CNBD2: variants seen among roughly 807,000 people sequenced by gnomAD.
CNBD2 encodes cyclic nucleotide binding domain containing 2, also known as cyclic nucleotide-binding domain-containing protein 2.
A neutral mutation model predicts 63.7 loss-of-function variants in CNBD2; 64 were observed. The observed-to-expected ratio is 1.00, with a 90% CI of 0.82 to 1.24. The LOEUF is 1.24. Ranked by LOEUF, CNBD2 falls within the 50% of genes most tolerant of loss-of-function variation. The probability of loss-of-function intolerance (pLI) is 0.00; values close to 1 mark genes in which losing one functional copy is unlikely to be tolerated. For synonymous variants in CNBD2, 229 were observed against 255.4 expected, an observed-to-expected ratio of 0.90 and a Z score of 0.99; for missense variants, 691 against 713.5, an observed-to-expected ratio of 0.97 and a Z score of 0.36.
At chr20:35,961,227 G>T (rs1482784489) in intron 2 of CNBD2, among the ~76,000 whole-genome samples, 1 of 152,112 alleles carries the variant, frequency 6.6e-6, no homozygotes, top group Non-Finnish European at 1.5e-5. Flanking sequence ...CACCACGCCC[G>T]GCCTCTTGGC....
At chr20:35,967,239 C>CT (rs141881380), upstream of CNBD2, among the ~76,000 whole-genome samples, 965 of 86,994 alleles carry the variant, frequency 0.011, 141 homozygotes, top group East Asian at 0.054. Context: ...CCCCCTCCCG[C>CT]TTTTTTTTTT....
At position 36,017,379 on chromosome 20, in the gene CNBD2, C is replaced by T. The variant is rs533160968; in HGVS notation, c.1269+6122C>T. Among the ~76,000 whole-genome samples, 110 of 152,266 alleles carry T rather than the reference C, an allele frequency of 7.2e-4. 1 individual carries two copies. The South Asian group carries it at 0.022, about 30-fold the overall frequency. On this transcript the variant is annotated intron_variant, in intron 10 of 11. Coordinates refer to ENST00000373973, the MANE Select transcript of CNBD2 (RefSeq NM_001365709.1). ...TCCAAGGTTGTCCTTATGCCATTCTCCCCCTGTGTTATGGTGGACTGTGCA... is the reference window on the plus strand; with the variant it reads ...TCCAAGGTTGTCCTTATGCCATTCTTCCCCTGTGTTATGGTGGACTGTGCA...
intron 10 of CNBD2, among the ~76,000 whole-genome samples, chr20:36,015,530 T>C (rs2057121671): frequency 1.3e-5 from 2 of 152,118 alleles, no homozygotes; most frequent in African/African-American, 4.8e-5. Context: ...TGGTTGAATC[T>C]AGGACTAGGG....
At position 35,960,783 on chromosome 20, in the gene CNBD2, A is replaced by G. The variant is rs13045686; in HGVS notation, c.228+3009A>G. On this transcript the variant is annotated intron_variant, in intron 2 of 4. Transcript: ENST00000622112. ...CTTCCCTTCTCTTCCCTTCTCTTCC[A>G]TTCTCTTCCCTTCTCTTCCCTTCTC... Among the ~76,000 whole-genome samples the G allele has an allele frequency of 5.4e-3, 152 of 28,010 alleles. 10 individuals carry two copies. The highest frequency in any genetic ancestry group is 0.023 in the African/African-American group (141 of 6,214). 18.4% of individuals were successfully genotyped at this position (28,010 alleles called of 152,430 possible).
At chr20:36,002,313 G>C (rs1186164633) in intron 8 of CNBD2, among the ~76,000 whole-genome samples, 1 of 152,250 alleles carries the variant, frequency 6.6e-6, no homozygotes, top group Non-Finnish European at 1.5e-5. Context: ...AGGAGAATCA[G>C]GCAGGGAGGT....
At chr20:35,957,929 A>G (rs1471499049), downstream of CNBD2, among the ~76,000 whole-genome samples, 1 of 152,160 alleles carries the variant, frequency 6.6e-6, no homozygotes, top group Non-Finnish European at 1.5e-5. Context: ...CCTGACTCCT[A>G]GGTAGCTTCA....
chr20:35,979,030 A>G (rs1460881000), intron 3 of CNBD2, among the ~76,000 whole-genome samples: 3 of 152,186 alleles, frequency 2.0e-5, no homozygotes, highest in Non-Finnish European at 4.4e-5. Context: ...TTAATGGCTA[A>G]TTTTGGGTAG....
In CNBD2 at chr20:35,984,771, T is replaced by G; in HGVS notation, c.709T>G (p.Phe237Val). 1 of 1,614,066 alleles carries G rather than the reference T, an allele frequency of 6.2e-7. No homozygotes were observed. Among genetic ancestry groups the G allele is most frequent in the Non-Finnish European group, 8.5e-7 (1 of 1,179,970 alleles). Residue 237 changes from phenylalanine to valine, a missense_variant, in exon 6 of 12, where the codon TTT (phenylalanine) becomes GTT (valine). By Grantham distance (50) the Phe-to-Val change is conservative. Coordinates refer to ENST00000373973, the MANE Select transcript of CNBD2 (RefSeq NM_001365709.1). ...VQKDAQYRFE[F>V]FRKMELFASW... ...GAAGGATGCTCAGTATCGGTTTGAATTTTTTAGGTAACTCTGCCTTCATTC... is the reference window on the plus strand; with the variant it reads ...GAAGGATGCTCAGTATCGGTTTGAAGTTTTTAGGTAACTCTGCCTTCATTC...
upstream of CNBD2, chr20:35,954,510 T>A (rs1406963332): frequency 2.0e-6 from 3 of 1,533,106 alleles, no homozygotes; most frequent in South Asian, 2.4e-5. Context: ...TGCGTCCAGG[T>A]CGGCGCGCGA....
chr20:35,975,410 C>T (rs2056497732), intron 2 of CNBD2, among the ~76,000 whole-genome samples: 1 of 113,100 alleles, frequency 8.8e-6, no homozygotes, highest in Admixed American at 8.7e-5. Context: ...ACGCCATTCT[C>T]CTGCCTCAGC....
chr20:36,020,105 C>G (rs1284106613), intron 10 of CNBD2, among the ~76,000 whole-genome samples: 1 of 151,678 alleles, frequency 6.6e-6, no homozygotes, highest in Non-Finnish European at 1.5e-5. Context: ...TTTCTTGAGA[C>G]GGAGTCTCGC....
intron 2 of CNBD2, among the ~76,000 whole-genome samples, chr20:35,975,536 G>A (rs192675560): frequency 3.3e-5 from 5 of 150,640 alleles, no homozygotes; most frequent in Non-Finnish European, 5.9e-5. Context: ...TCCTGACCTC[G>A]TGATCCGCCC....
At chr20:35,975,237 G>A (rs2056490374) in intron 2 of CNBD2, among the ~76,000 whole-genome samples, 3 of 136,626 alleles carry the variant, frequency 2.2e-5, no homozygotes, top group East Asian at 2.1e-4. Flanking sequence ...TCCTGACCTC[G>A]TGATCCGCCC....
At chr20:36,027,744 T>C (rs2057298289) in intron 11 of CNBD2, among the ~76,000 whole-genome samples, 3 of 151,978 alleles carry the variant, frequency 2.0e-5, no homozygotes, top group Middle Eastern at 3.4e-3. Context: ...GGTGTGATCT[T>C]GGCTCACTGC....
At chr20:35,993,120 C>G (rs1266597941) in intron 7 of CNBD2, among the ~76,000 whole-genome samples, 3 of 151,826 alleles carry the variant, frequency 2.0e-5, no homozygotes, top group Non-Finnish European at 2.9e-5. Context: ...TGTTGTTTCT[C>G]TGGCACCTGC....
At chr20:35,954,542 G>T (rs545354984), upstream of CNBD2, 16 of 1,504,716 alleles carry the variant, frequency 1.1e-5, no homozygotes, top group South Asian at 1.9e-4. Context: ...CCGCTTGCGG[G>T]CTCCCGGAAG....
upstream of CNBD2, among the ~76,000 whole-genome samples, chr20:35,967,939 A>C (rs954029894): frequency 1.3e-5 from 2 of 152,224 alleles, no homozygotes; most frequent in Non-Finnish European, 2.9e-5. Context: ...TGCCCAAGGA[A>C]GGAATTCAAG....
At chr20:35,963,833 TA>T (rs1341626832), upstream of CNBD2, among the ~76,000 whole-genome samples, 2 of 152,068 alleles carry the variant, frequency 1.3e-5, no homozygotes, top group African/African-American at 4.8e-5. Flanking sequence ...AACCACTAAA[TA>T]GAGAATTTTT....
At chr20:36,027,677 A>ATT (rs1199936284) in intron 11 of CNBD2, among the ~76,000 whole-genome samples, 4 of 141,556 alleles carry the variant, frequency 2.8e-5, no homozygotes, top group East Asian at 2.0e-4. Context: ...ATCATTTGTA[A>ATT]TTTTTTTTTT....
Sources: allele counts gnomAD v4.1 joint callset (sites outside exome capture counted in the v4.1 genomes callset), GRCh38; gene constraint gnomAD v4.1.1; transcripts MANE v1.5; gene names NCBI Gene and HGNC (gene_info 2026-07-23, HGNC 2026-07-21).